The following CPNE9 variants were observed in gnomAD, a reference collection of about 807,000 sequenced individuals.
The protein encoded by CPNE9 is copine family member 9.
Under a neutral mutation model 83.0 loss-of-function variants are expected in CPNE9, and 59 were observed. The observed-to-expected ratio is 0.71, with a 90% CI of 0.58 to 0.88. The LOEUF (loss-of-function observed/expected upper bound fraction) is 0.88, where lower values mean the gene tolerates loss of function less well. Ranked by LOEUF, CPNE9 falls within the 40% of genes least tolerant of loss-of-function variation. The probability of loss-of-function intolerance (pLI) is 0.00; values close to 1 mark genes in which losing one functional copy is unlikely to be tolerated. For synonymous variants in CPNE9, 256 were observed against 273.4 expected (o/e 0.94, Z 0.63); for missense variants, 619 against 720.8 (o/e 0.86, Z 1.62).
rs764211610 is a variant in CPNE9 at position 9,714,932 on chromosome 3, G to C, written c.669G>C (p.Val223=). Residue 223 remains valine, a synonymous_variant, in exon 11 of 21, where the codon GTG becomes GTC. Coordinates refer to ENST00000383832, the MANE Select transcript of CPNE9 (RefSeq NM_153635.3). ...GDYDRTVKID[V]YDWDRDGSHD... ...ATTTCAGAACGGTGAAGATTGATGTGTACGACTGGGACCGGGATGGAAGGT... is the reference window on the plus strand; with the variant it reads ...ATTTCAGAACGGTGAAGATTGATGTCTACGACTGGGACCGGGATGGAAGGT... 6.2e-7 allele frequency: 1 copy of C among 1,613,956 alleles called. No homozygotes were observed. Among genetic ancestry groups the C allele is most frequent in the South Asian group, 1.1e-5 (1 of 91,072 alleles).
Position 9,704,567 on chromosome 3 carries a change from T to C in CPNE9, c.69-20T>C. On this transcript the variant is annotated intron_variant, in intron 1 of 20. Transcript: ENST00000383832. This position sits in a 1 kb window ranked among gnomAD's most constrained non-coding sequence, Gnocchi z 7.1. ...GGACTCCAGGATGATCCACTCTGTC[T>C]GTCTGTTGCTTTTCTCTAGGAACCT... 1 of 1,610,108 alleles carries C rather than the reference T, an allele frequency of 6.2e-7. No homozygotes were observed. Among genetic ancestry groups the C allele is most frequent in the Non-Finnish European group, 8.5e-7 (1 of 1,176,298 alleles).
rs1157954907 is a variant in CPNE9, at chr3:9,704,537, C to G, written c.69-50C>G. 6.7e-7 allele frequency: 1 copy of G among 1,494,960 alleles called. No individual in the cohort carries two copies. The highest frequency in any genetic ancestry group is 1.2e-5 in the South Asian group (1 of 83,990). 92.6% of individuals were successfully genotyped at this position (1,494,960 alleles called of 1,614,324 possible). ...TGCCCGGCTCAGAGCCGACTCGAGGCGGGCGGACTCCAGGATGATCCACTC... is the reference window on the plus strand; with the variant it reads ...TGCCCGGCTCAGAGCCGACTCGAGGGGGGCGGACTCCAGGATGATCCACTC... On this transcript the variant is annotated intron_variant, in intron 1 of 20. Transcript: ENST00000383832. The surrounding 1 kb of genome is among the most constrained non-coding windows in gnomAD (Gnocchi z 7.1).
intron 7 of CPNE9, among the ~76,000 whole-genome samples, chr3:9,706,445 T>C (rs1450076819): frequency 6.6e-6 from 1 of 152,128 alleles, no homozygotes; most frequent in African/African-American, 2.4e-5. Flanking sequence ...TAGCATGTTT[T>C]ATATCCCACA....
intron 20 of CPNE9, among the ~76,000 whole-genome samples, chr3:9,727,969 AGAT>A (rs2076798679): frequency 6.6e-6 from 1 of 152,224 alleles, no homozygotes; most frequent in African/African-American, 2.4e-5. Flanking sequence ...CTTGATGATT[AGAT>A]GATGACAGGG....
At chr3:9,714,065 TC>T (rs1229365182) in intron 10 of CPNE9, among the ~76,000 whole-genome samples, 1 of 139,854 alleles carries the variant, frequency 7.2e-6, no homozygotes, top group Non-Finnish European at 1.5e-5. Flanking sequence ...AGAGCAAGAC[TC>T]CGTCTCAATA....
At chr3:9,723,141 G>C (rs1451708382) in intron 17 of CPNE9, among the ~76,000 whole-genome samples, 1 of 152,190 alleles carries the variant, frequency 6.6e-6, no homozygotes, top group Non-Finnish European at 1.5e-5. Context: ...CTCTGAGGAG[G>C]CTGGGGCCAG....
intron 15 of CPNE9, 72 bp from the exon 16 acceptor site, chr3:9,717,957 A>G: frequency 7.6e-7 from 1 of 1,322,806 alleles, no homozygotes; most frequent in Non-Finnish European, 1.1e-6. Context: ...GGATGAATGC[A>G]CACAAAGATA....
At chr3:9,710,781 T>G (rs1311931712) in intron 7 of CPNE9, among the ~76,000 whole-genome samples, 2 of 152,080 alleles carry the variant, frequency 1.3e-5, no homozygotes, top group African/African-American at 2.4e-5. Context: ...TCAAAGCACT[T>G]TGGGAGGCTG....
intron 15 of CPNE9, among the ~76,000 whole-genome samples, chr3:9,717,714 G>A (rs1027683123): frequency 6.6e-6 from 1 of 151,958 alleles, no homozygotes; most frequent in African/African-American, 2.4e-5. Context: ...GGATGAGTGG[G>A]TAAGTGGATA....
chr3:9,717,118 G>A lies in CPNE9; in HGVS notation c.931+14G>A. Reference sequence around the variant, plus strand: ...CGGCTTCCAATGGTGAGACACGGATGAGTGAAAAAGTCGGAGGTGGGAAGG... The same window carrying A: ...CGGCTTCCAATGGTGAGACACGGATAAGTGAAAAAGTCGGAGGTGGGAAGG... On this transcript the variant is annotated intron_variant, in intron 15 of 20. Transcript: ENST00000383832. The A allele has an allele frequency of 2.5e-6, 4 of 1,614,092 alleles. No individual in the cohort carries two copies. The highest frequency in any genetic ancestry group is 2.2e-5 in the East Asian group (1 of 44,888).
intron 20 of CPNE9, among the ~76,000 whole-genome samples, chr3:9,727,869 AG>A (rs1291891384): frequency 3.3e-5 from 5 of 152,180 alleles, no homozygotes; most frequent in Admixed American, 3.3e-4. Flanking sequence ...GAAGTAGTAG[AG>A]GGGAGGCGAT....
At chr3:9,720,370 GT>G (rs900182072) in intron 17 of CPNE9, among the ~76,000 whole-genome samples, 9 of 147,542 alleles carry the variant, frequency 6.1e-5, no homozygotes, top group African/African-American at 1.2e-4. Flanking sequence ...GCGAAGATTT[GT>G]TTTTTTTTTA....
chr3:9,718,968 C>T (rs1289254886), intron 17 of CPNE9, among the ~76,000 whole-genome samples: 5 of 151,472 alleles, frequency 3.3e-5, no homozygotes, highest in Admixed American at 6.6e-5. Flanking sequence ...TCCCAAATAG[C>T]AGGGATTACT....
intron 17 of CPNE9, among the ~76,000 whole-genome samples, chr3:9,724,242 C>G (rs1485600204): frequency 7.1e-6 from 1 of 141,276 alleles, no homozygotes; most frequent in East Asian, 2.1e-4. Flanking sequence ...TCAATGACTT[C>G]TGAAGTCCTT....
chr3:9,715,276 C>G lies in CPNE9; in HGVS notation c.693-13C>G, dbSNP rs2076670952. 6.2e-7 allele frequency: 1 copy of G among 1,613,890 alleles called. No individual in the cohort carries two copies. Among genetic ancestry groups the G allele is most frequent in the African/African-American group, 1.3e-5 (1 of 74,934 alleles). On this transcript the variant is annotated splice_polypyrimidine_tract_variant and intron_variant, in intron 11 of 20. Coordinates refer to ENST00000383832, the MANE Select transcript of CPNE9 (RefSeq NM_153635.3). ...GCAGCACCTGCTGCTTAGCCACGCC[C>G]ACCTCATTGCAGCCACGATTTCATT...
chr3:9,705,029 C>T, intron 4 of CPNE9, 35 bp downstream of exon 4: 1 of 1,491,460 alleles, frequency 6.7e-7, no homozygotes, highest in Non-Finnish European at 9.2e-7. Context: ...CTTGGCCCGC[C>T]CCCGACCTGG....
In CPNE9 at chr3:9,718,207, C is replaced by A; in HGVS notation, c.1110C>A (p.Pro370=). 1 of 1,610,112 alleles carries A rather than the reference C, an allele frequency of 6.2e-7. No individual in the cohort carries two copies. Among genetic ancestry groups the A allele is most frequent in the South Asian group, 1.1e-5 (1 of 90,516 alleles). Residue 370 remains proline (P), a synonymous_variant, in exon 16 of 21, where the codon CCC becomes CCA. Transcript: ENST00000383832. ...PPEGRISHQF[P]LNNNDEDPNC... ...AGGGACGGATCTCCCACCAGTTCCC[C>A]CTGGTATGGTATTGGCCAGAGCTTA...
intron 10 of CPNE9, among the ~76,000 whole-genome samples, chr3:9,713,586 G>C (rs1319003673): frequency 6.6e-6 from 1 of 152,150 alleles, no homozygotes; most frequent in East Asian, 1.9e-4. Context: ...GATGACTGGG[G>C]AGGCAGGAGG....
At chr3:9,714,884 C>T in intron 10 of CPNE9, 30 bp from the exon 11 acceptor site, 2 of 1,601,196 alleles carry the variant, frequency 1.2e-6, no homozygotes, top group Non-Finnish European at 1.7e-6. Flanking sequence ...ATCATACACA[C>T]CTAGGGTATG....
Sources: allele counts gnomAD v4.1 joint callset (sites outside exome capture counted in the v4.1 genomes callset), GRCh38; gene constraint gnomAD v4.1.1; non-coding constraint Gnocchi (gnomAD v3.1); transcripts MANE v1.5; gene names NCBI Gene and HGNC (gene_info 2026-07-23, HGNC 2026-07-21).